ATP8A2: variants seen among roughly 807,000 people sequenced by gnomAD.
ATP8A2 encodes the protein phospholipid-transporting ATPase IB.
ATP8A2 carries 100 observed loss-of-function variants against 165.6 expected under a neutral mutation model. The ratio of observed to expected loss-of-function variants is 0.60; its 90% confidence interval spans 0.51 to 0.71. The LOEUF is 0.71. Ranked by LOEUF, ATP8A2 falls within the 30% of genes least tolerant of loss-of-function variation. The pLI is 0.00. For missense variants in ATP8A2, 1,227 were observed against 1,479.5 expected (o/e 0.83, Z 2.80); for synonymous variants, 543 against 548.8 (o/e 0.99, Z 0.15).
chr13:25,443,860 A>G (rs2034997912), intron 1 of ATP8A2, among the ~76,000 whole-genome samples: 1 of 152,252 alleles, frequency 6.6e-6, no homozygotes, highest in African/African-American at 2.4e-5. Context: ...GCAAATATCC[A>G]TTGAGTGATA....
In ATP8A2 at chr13:25,822,366, G is replaced by T. The variant is rs1011407028; in HGVS notation, c.2680-5752G>T. 2.6e-5 allele frequency among the ~76,000 whole-genome samples: 4 copies of T among 152,254 alleles called. No individual in the cohort carries two copies. In the East Asian group the frequency reaches 7.7e-4, roughly 29 times the overall value. ...TATGTCCCTACAGGTGGAATCACTTGTTCAAACGAAAACTAAATTAAACAT... is the reference window on the plus strand; with the variant it reads ...TATGTCCCTACAGGTGGAATCACTTTTTCAAACGAAAACTAAATTAAACAT... On this transcript the variant is annotated intron_variant, in intron 27 of 36. Transcript: ENST00000381655.
At chr13:25,417,033 G>A (rs1272926555) in intron 1 of ATP8A2, among the ~76,000 whole-genome samples, 1 of 151,636 alleles carries the variant, frequency 6.6e-6, no homozygotes, top group Non-Finnish European at 1.5e-5. Context: ...TATCTCGGGG[G>A]GTGGTTTAGA....
chr13:25,704,846 GAT>G (rs1232497027), intron 25 of ATP8A2, among the ~76,000 whole-genome samples: 6 of 152,310 alleles, frequency 3.9e-5, no homozygotes, highest in African/African-American at 1.4e-4. Flanking sequence ...GAGTGGAAGA[GAT>G]AGCATTTTAT....
rs140426924 is a variant in ATP8A2, at chr13:25,854,134, T to C, written c.2957-6061T>C. On this transcript the variant is annotated intron_variant, in intron 30 of 36. Transcript: ENST00000381655. ...TGTTTTGGAATATGGTCATGTTTCATTGCTGTCTTTTCTTCCTCTCGTGAA... is the reference window on the plus strand; with the variant it reads ...TGTTTTGGAATATGGTCATGTTTCACTGCTGTCTTTTCTTCCTCTCGTGAA... 6.4e-3 allele frequency among the ~76,000 whole-genome samples: 981 copies of C among 152,288 alleles called. 9 individuals carry two copies. Among genetic ancestry groups the C allele is most frequent in the Non-Finnish European group, 9.3e-3 (631 of 68,022 alleles).
intron 35 of ATP8A2, among the ~76,000 whole-genome samples, chr13:25,974,919 C>T (rs922983362): frequency 1.3e-5 from 2 of 152,176 alleles, no homozygotes; most frequent in African/African-American, 2.4e-5. Flanking sequence ...ACAGCCTCAT[C>T]ATGCCACCTT....
In ATP8A2 at chr13:25,581,976, A is replaced by T; in HGVS notation, c.2146+19A>T. 2.5e-6 allele frequency: 4 copies of T among 1,592,056 alleles called. No individual in the cohort carries two copies. In the Middle Eastern group the frequency reaches 5.0e-4, roughly 200 times the overall value. ...AATATAGGTAATTATTTTTACAAATAATTTCCTGATGCTGGGTTTTGTATT... is the reference window on the plus strand; with the variant it reads ...AATATAGGTAATTATTTTTACAAATTATTTCCTGATGCTGGGTTTTGTATT... On this transcript the variant is annotated intron_variant, in intron 23 of 36. Transcript: ENST00000381655.
At chr13:25,405,960 C>G (rs1432437881) in intron 1 of ATP8A2, among the ~76,000 whole-genome samples, 1 of 152,182 alleles carries the variant, frequency 6.6e-6, no homozygotes, top group East Asian at 1.9e-4. Flanking sequence ...AGTCATTCAT[C>G]CATTCACTCA....
At chr13:25,786,100 G>A (rs571009710) in intron 27 of ATP8A2, among the ~76,000 whole-genome samples, 9 of 152,146 alleles carry the variant, frequency 5.9e-5, no homozygotes, top group African/African-American at 2.2e-4. Flanking sequence ...TCTTGGACTT[G>A]GGAGTTTGTT....
At chr13:25,396,243 A>C (rs2033420611) in intron 1 of ATP8A2, among the ~76,000 whole-genome samples, 1 of 152,130 alleles carries the variant, frequency 6.6e-6, no homozygotes, top group Non-Finnish European at 1.5e-5. Flanking sequence ...CTTGGTGTGG[A>C]GTGGGATCCT....
At chr13:25,955,491 T>G (rs181510743) in intron 33 of ATP8A2, among the ~76,000 whole-genome samples, 237 of 152,272 alleles carry the variant, frequency 1.6e-3, no homozygotes, top group African/African-American at 5.6e-3. Context: ...GAGAATACTA[T>G]AAACACCTCT....
At chr13:25,700,486 G>C (rs77116230) in intron 25 of ATP8A2, among the ~76,000 whole-genome samples, 2,282 of 152,176 alleles carry the variant, frequency 0.015, 59 homozygotes, top group African/African-American at 0.052. Flanking sequence ...TCTCTAATTA[G>C]CCTGTTCTTT....
chr13:25,554,627 T>C (rs12870710), intron 12 of ATP8A2, among the ~76,000 whole-genome samples: 88,023 of 151,130 alleles, frequency 0.58, 26,702 homozygotes, highest in Non-Finnish European at 0.64. Context: ...GGTGTGATCT[T>C]AGCTCACTGC....
chr13:25,994,105 T>A (rs1001945963), intron 35 of ATP8A2, among the ~76,000 whole-genome samples: 1 of 152,144 alleles, frequency 6.6e-6, no homozygotes, highest in African/African-American at 2.4e-5. Context: ...GATCCCAAAT[T>A]GCATTGTATT....
At chr13:25,992,699 T>A (rs1956419598) in intron 35 of ATP8A2, among the ~76,000 whole-genome samples, 1 of 152,138 alleles carries the variant, frequency 6.6e-6, no homozygotes, top group Non-Finnish European at 1.5e-5. Flanking sequence ...TTTGTTTTTT[T>A]AATTATACTT....
intron 16 of ATP8A2, among the ~76,000 whole-genome samples, chr13:25,570,215 CG>C (rs1316774020): frequency 6.6e-6 from 1 of 152,004 alleles, no homozygotes; most frequent in African/African-American, 2.4e-5. Context: ...GAACAGATGT[CG>C]GGGTGGGGAA....
chr13:25,908,493 G>T (rs1954012579), intron 33 of ATP8A2, among the ~76,000 whole-genome samples: 1 of 152,178 alleles, frequency 6.6e-6, no homozygotes. Flanking sequence ...ATAGACCAGG[G>T]TGTCCACAAG....
At chr13:25,822,681 A>G (rs1168142733) in intron 27 of ATP8A2, among the ~76,000 whole-genome samples, 1 of 152,160 alleles carries the variant, frequency 6.6e-6, no homozygotes, top group Non-Finnish European at 1.5e-5. Context: ...GATATTCCAA[A>G]TATGTGTGTA....
chr13:25,396,575 G>A (rs2033432569), intron 1 of ATP8A2, among the ~76,000 whole-genome samples: 3 of 152,106 alleles, frequency 2.0e-5, no homozygotes, highest in Non-Finnish European at 4.4e-5. Flanking sequence ...CTTACCTCTA[G>A]GAACATGGCC....
At chr13:25,527,706 T>G (rs771787847) in intron 2 of ATP8A2, among the ~76,000 whole-genome samples, 2 of 152,158 alleles carry the variant, frequency 1.3e-5, no homozygotes, top group Non-Finnish European at 2.9e-5. Flanking sequence ...CCCTCTTATA[T>G]TTCATTTTTT....
Sources: gnomAD v4.1 joint callset for allele counts (sites outside exome capture counted in the v4.1 genomes callset) on GRCh38, gnomAD v4.1.1 for gene constraint, MANE v1.5 for transcripts, NCBI Gene and HGNC (gene_info 2026-07-23, HGNC 2026-07-21) for gene names.